The following PKNOX2 variants were observed in gnomAD, a reference collection of about 807,000 sequenced individuals.
PKNOX2 encodes PBX/knotted 1 homeobox 2.
PKNOX2 carries 14 observed loss-of-function variants against 53.1 expected under a neutral mutation model. That is an observed-to-expected ratio of 0.26 (90% confidence interval 0.17 to 0.41). The LOEUF (loss-of-function observed/expected upper bound fraction) is 0.41, where lower values mean the gene tolerates loss of function less well. PKNOX2 is among the 10% of genes least tolerant of loss of function. PKNOX2 has a pLI of 1.00. For missense variants in PKNOX2, 496 were observed against 602.8 expected, an observed-to-expected ratio of 0.82 and a Z score of 1.85; for synonymous variants, 257 against 242.8, an observed-to-expected ratio of 1.06 and a Z score of -0.54.
intron 10 of PKNOX2, among the ~76,000 whole-genome samples, 154 bp from the exon 11 acceptor site, chr11:125,428,858 T>C (rs755023509): frequency 1.3e-5 from 2 of 152,216 alleles, no homozygotes; most frequent in Non-Finnish European, 2.9e-5. Context: ...AGGTCCATTC[T>C]CTGTGGGGAG....
intron 1 of PKNOX2, among the ~76,000 whole-genome samples, chr11:125,191,692 G>A (rs1956888364): frequency 6.6e-6 from 1 of 152,118 alleles, no homozygotes; most frequent in African/African-American, 2.4e-5. Flanking sequence ...GTGGAGTGGA[G>A]GTGGCCAGCT....
At position 125,189,441 on chromosome 11, in the gene PKNOX2, G is replaced by A. The variant is rs1308222721; in HGVS notation, c.-201+24665G>A. 3.3e-3 allele frequency among the ~76,000 whole-genome samples: 191 copies of A among 57,906 alleles called. 1 individual carries two copies. Among genetic ancestry groups the A allele is most frequent in the African/African-American group, 0.01 (129 of 12,654 alleles). 38.0% of individuals were successfully genotyped at this position (57,906 alleles called of 152,430 possible). On this transcript the variant is annotated intron_variant, in intron 1 of 12. Coordinates refer to ENST00000298282, the MANE Select transcript of PKNOX2 (RefSeq NM_001382323.2). ...TGTGTGTGTGTGTGTGTGTGTGTGT[G>A]TGTGTGTATATATATATATATATAT...
intron 2 of PKNOX2, among the ~76,000 whole-genome samples, chr11:125,297,143 T>TGACATAAGTATA (rs1947713221): frequency 1.3e-5 from 2 of 152,248 alleles, no homozygotes; most frequent in African/African-American, 4.8e-5. Flanking sequence ...TGTCATTTAC[T>TGACATAAGTATA]TTTCACAACG....
intron 7 of PKNOX2, among the ~76,000 whole-genome samples, chr11:125,401,643 G>T (rs754982287): frequency 6.6e-6 from 1 of 152,176 alleles, no homozygotes; most frequent in Non-Finnish European, 1.5e-5. Context: ...GGCTTGCATG[G>T]GCTCTCCCAG....
intron 2 of PKNOX2, among the ~76,000 whole-genome samples, chr11:125,326,893 G>A (rs1249255481): frequency 5.9e-5 from 9 of 152,310 alleles, no homozygotes; most frequent in Middle Eastern, 3.4e-3. Context: ...GCTCACCCCC[G>A]CCAGCAGGGA....
intron 2 of PKNOX2, among the ~76,000 whole-genome samples, chr11:125,322,569 C>T (rs1350997602): frequency 6.6e-6 from 1 of 152,212 alleles, no homozygotes; most frequent in Non-Finnish European, 1.5e-5. Flanking sequence ...GGGTTTAATC[C>T]TGATGAGCCC....
intron 2 of PKNOX2, among the ~76,000 whole-genome samples, chr11:125,330,611 T>C (rs1178607701): frequency 6.6e-6 from 1 of 152,128 alleles, no homozygotes; most frequent in African/African-American, 2.4e-5. Context: ...TCCTCTCTTC[T>C]GCCACCAGGA....
At chr11:125,257,850 C>T (rs1481727009) in intron 2 of PKNOX2, among the ~76,000 whole-genome samples, 1 of 152,218 alleles carries the variant, frequency 6.6e-6, no homozygotes, top group African/African-American at 2.4e-5. Context: ...GAGGCTCAGG[C>T]CTGCCTCTGG....
At chr11:125,314,247 A>C (rs1949007765) in intron 2 of PKNOX2, among the ~76,000 whole-genome samples, 1 of 151,878 alleles carries the variant, frequency 6.6e-6, no homozygotes, top group Non-Finnish European at 1.5e-5. Flanking sequence ...CACCTGGGGG[A>C]TTTCAGTGAT....
At chr11:125,408,019 T>C (rs898188231) in intron 7 of PKNOX2, among the ~76,000 whole-genome samples, 1 of 152,152 alleles carries the variant, frequency 6.6e-6, no homozygotes, top group Admixed American at 6.5e-5. Context: ...GTTTTAGTTG[T>C]TTTTATCTGT....
At chr11:125,209,962 G>A (rs972783964) in intron 1 of PKNOX2, among the ~76,000 whole-genome samples, 3 of 152,198 alleles carry the variant, frequency 2.0e-5, no homozygotes, top group African/African-American at 4.8e-5. Context: ...GCACATGCTC[G>A]AGGTCAGAGG....
At position 125,290,976 on chromosome 11, in the gene PKNOX2, G is replaced by A. The variant is rs183298424; in HGVS notation, c.-129-40843G>A. 5.9e-5 allele frequency among the ~76,000 whole-genome samples: 9 copies of A among 152,182 alleles called. 1 individual carries two copies. The highest frequency in any genetic ancestry group is 3.9e-4 in the Admixed American group (6 of 15,290). ...AAGCTGATGGGAGAAGGGTGTTTCCGGCAGAAGGAGCTGAGACAGACGCAA... is the reference window on the plus strand; with the variant it reads ...AAGCTGATGGGAGAAGGGTGTTTCCAGCAGAAGGAGCTGAGACAGACGCAA... On this transcript the variant is annotated intron_variant, in intron 2 of 12. Coordinates refer to ENST00000298282, the MANE Select transcript of PKNOX2 (RefSeq NM_001382323.2).
chr11:125,245,580 G>C (rs2135634080), intron 2 of PKNOX2, among the ~76,000 whole-genome samples: 1 of 152,334 alleles, frequency 6.6e-6, no homozygotes, highest in South Asian at 2.1e-4. Flanking sequence ...GCCCTGGCCG[G>C]GTTGTACAGA....
intron 1 of PKNOX2, among the ~76,000 whole-genome samples, chr11:125,178,698 G>A (rs1195524679): frequency 9.6e-5 from 13 of 135,114 alleles, no homozygotes; most frequent in African/African-American, 2.8e-4. Flanking sequence ...GAGAGAGAGA[G>A]AAAGAAAGAA....
intron 2 of PKNOX2, among the ~76,000 whole-genome samples, chr11:125,299,752 G>T (rs1373576543): frequency 6.6e-6 from 1 of 152,174 alleles, no homozygotes; most frequent in African/African-American, 2.4e-5. Flanking sequence ...TTTGGAGAGG[G>T]TGAGCGTTGG....
At chr11:125,254,825 T>TC (rs34347879) in intron 2 of PKNOX2, among the ~76,000 whole-genome samples, 36,159 of 151,932 alleles carry the variant, frequency 0.24, 5,444 homozygotes, top group Non-Finnish European at 0.33. Flanking sequence ...AAGTCTGAGG[T>TC]CCCAAGGGGC....
intron 7 of PKNOX2, among the ~76,000 whole-genome samples, chr11:125,407,093 C>T (rs1310011459): frequency 2.0e-4 from 31 of 152,146 alleles, no homozygotes; most frequent in Non-Finnish European, 1.5e-5. Context: ...TGCCCTTGGA[C>T]TCTATCTCTG....
chr11:125,351,860 G>A (rs1424471100), intron 4 of PKNOX2, among the ~76,000 whole-genome samples: 2 of 151,966 alleles, frequency 1.3e-5, no homozygotes, highest in African/African-American at 4.8e-5. Flanking sequence ...CCTGCCTGTC[G>A]GGAGAATCTC....
chr11:125,431,728 G>A lies in PKNOX2; in HGVS notation c.*336G>A. On this transcript the variant is annotated 3_prime_UTR_variant, in exon 13 of 13. Coordinates refer to ENST00000298282, the MANE Select transcript of PKNOX2 (RefSeq NM_001382323.2). ...ATGGCCCCCACCCACGGAAGGACTT[G>A]AGTTGTTTACAAGCCCTGCACTGAG... is the stretch of plus-strand genomic sequence containing the variant. The A allele has an allele frequency of 3.0e-6, 1 of 329,132 alleles. No individual in the cohort carries two copies. Among genetic ancestry groups the A allele is most frequent in the Non-Finnish European group, 5.7e-6 (1 of 174,952 alleles). The allele number at this position is 329,132 out of a possible 1,614,324, so 20.4% of individuals were successfully genotyped here.
Sources: allele counts gnomAD v4.1 joint callset (sites outside exome capture counted in the v4.1 genomes callset), GRCh38; gene constraint gnomAD v4.1.1; transcripts MANE v1.5; gene names NCBI Gene and HGNC (gene_info 2026-07-23, HGNC 2026-07-21).